The following SEC31A variants were observed in gnomAD, a reference collection of about 807,000 sequenced individuals.
SEC31A encodes the protein protein transport protein Sec31A.
SEC31A carries 70 observed loss-of-function variants against 151.0 expected under a neutral mutation model. The observed-to-expected ratio is 0.46, with a 90% CI of 0.38 to 0.57. The LOEUF is 0.57. SEC31A is among the 20% of genes least tolerant of loss of function. The pLI is 0.00. For missense variants in SEC31A, 1,330 were observed against 1,471.2 expected (o/e 0.90, Z 1.57); for synonymous variants, 475 against 505.9 (o/e 0.94, Z 0.82).
chr4:82,874,190 C>G (rs1429722991), intron 6 of SEC31A, among the ~76,000 whole-genome samples: 1 of 151,804 alleles, frequency 6.6e-6, no homozygotes, highest in Middle Eastern at 3.4e-3. Flanking sequence ...CTCAGCTACT[C>G]GGAAGGCTGG....
upstream of SEC31A, chr4:82,895,021 G>A (rs1021183975): frequency 3.3e-5 from 5 of 152,216 alleles, no homozygotes; most frequent in African/African-American, 1.2e-4. Context: ...GACAGAACTA[G>A]TATTAGATTT....
Position 82,819,021 on chromosome 4 carries a change from T to A in SEC31A, c.*53A>T. 7.4e-6 allele frequency: 11 copies of A among 1,495,226 alleles called. No homozygotes were observed. The highest frequency in any genetic ancestry group is 9.9e-6 in the Non-Finnish European group (11 of 1,110,822). 92.6% of individuals were successfully genotyped at this position (1,495,226 alleles called of 1,614,324 possible). A position where few individuals can be genotyped will look rare whatever the true frequency, so the allele number is the denominator to read the frequency against. On this transcript the variant is annotated 3_prime_UTR_variant, in exon 27 of 27. Coordinates refer to ENST00000395310, the MANE Select transcript of SEC31A (RefSeq NM_001077207.4). ...GTCCATGTCTTATAATTTTTTTTTT[T>A]AACATGTTTCTTTGGAAAAATGGCA...
chr4:82,836,204 C>T (rs1190688133), intron 22 of SEC31A, among the ~76,000 whole-genome samples: 1 of 151,854 alleles, frequency 6.6e-6, no homozygotes, highest in Non-Finnish European at 1.5e-5. Context: ...GAAACCCCAT[C>T]TCTACTAAAA....
chr4:82,887,472 T>C (rs1315902035), intron 1 of SEC31A, among the ~76,000 whole-genome samples: 1 of 152,148 alleles, frequency 6.6e-6, no homozygotes, highest in Non-Finnish European at 1.5e-5. Flanking sequence ...CAAGACAGTA[T>C]CTATAGCACG....
chr4:82,890,823 C>A (rs1295486547), intron 1 of SEC31A: 1 of 1,320,492 alleles, frequency 7.6e-7, no homozygotes, highest in African/African-American at 1.5e-5. Context: ...TACTCCCCGG[C>A]AAGACACTGT....
At chr4:82,894,182 T>C (rs1446299595), upstream of SEC31A, 1 of 152,218 alleles carries the variant, frequency 6.6e-6, no homozygotes, top group African/African-American at 2.4e-5. Context: ...ACAAGCAAAA[T>C]GCCTTGAGCA....
At chr4:82,873,821 T>G (rs1048809041) in intron 6 of SEC31A, among the ~76,000 whole-genome samples, 1 of 152,194 alleles carries the variant, frequency 6.6e-6, no homozygotes, top group Non-Finnish European at 1.5e-5. Context: ...AAAATAAAGA[T>G]ACCTAAAAGG....
chr4:82,867,000 CAA>C (rs1344468558), intron 9 of SEC31A, 40 bp from the exon 10 acceptor site: 3 of 1,587,592 alleles, frequency 1.9e-6, no homozygotes, highest in Non-Finnish European at 2.6e-6. Flanking sequence ...CGACCATACA[CAA>C]AGTTTCATTT....
At chr4:82,862,332 T>C (rs1291602137) in intron 13 of SEC31A, among the ~76,000 whole-genome samples, 1 of 152,012 alleles carries the variant, frequency 6.6e-6, no homozygotes, top group Non-Finnish European at 1.5e-5. Context: ...AATTCAAATA[T>C]GTATGTCAAG....
chr4:82,871,362 T>G, intron 7 of SEC31A: 2 of 1,522,214 alleles, frequency 1.3e-6, no homozygotes, highest in Non-Finnish European at 1.8e-6. Context: ...CAGTAAAATG[T>G]TTTACCTATG....
intron 11 of SEC31A, among the ~76,000 whole-genome samples, chr4:82,863,977 C>G (rs1236934153): frequency 6.6e-6 from 1 of 152,076 alleles, no homozygotes; most frequent in African/African-American, 2.4e-5. Flanking sequence ...TCCAACCTCT[C>G]TCCTCTATTC....
rs1431216573 is a variant in SEC31A, at chr4:82,819,009, A to G, written c.*65T>C. On this transcript the variant is annotated 3_prime_UTR_variant, in exon 27 of 27. Coordinates refer to ENST00000395310, the MANE Select transcript of SEC31A (RefSeq NM_001077207.4). ...TAATGAGGACTAGTCCATGTCTTAT[A>G]ATTTTTTTTTTTAACATGTTTCTTT... is the stretch of plus-strand genomic sequence containing the variant. The G allele has an allele frequency of 1.4e-6, 2 of 1,385,672 alleles. No homozygotes were observed. The highest frequency in any genetic ancestry group is 2.3e-5 in the East Asian group (1 of 43,220). The allele number at this position is 1,385,672 out of a possible 1,614,324, so 85.8% of individuals were successfully genotyped here.
At chr4:82,844,941 T>A (rs561177391) in intron 20 of SEC31A, among the ~76,000 whole-genome samples, 6 of 152,316 alleles carry the variant, frequency 3.9e-5, no homozygotes, top group African/African-American at 1.4e-4. Flanking sequence ...AAAATCAGAT[T>A]TAAACCATTG....
At chr4:82,872,538 T>G (rs140787075) in intron 6 of SEC31A, among the ~76,000 whole-genome samples, 2 of 152,136 alleles carry the variant, frequency 1.3e-5, no homozygotes, top group African/African-American at 2.4e-5. Flanking sequence ...ACTACTAAAT[T>G]TTATTGAACA....
chr4:82,853,622 A>G lies in SEC31A; in HGVS notation c.2102T>C (p.Leu701Ser), dbSNP rs766933528. 1.2e-6 allele frequency: 2 copies of G among 1,603,996 alleles called. No individual in the cohort carries two copies. The highest frequency in any genetic ancestry group is 1.1e-5 in the South Asian group (1 of 88,840). ...CYICAGNVEK[L>S]VACWTKAQDG... is the part of the protein sequence containing the mutation. Reference sequence around the variant, plus strand: ...TTGAGCTTTAGTCCAACATGCAACTAATTTCTCTACATTCCCTGCACAAAT... The same window carrying G: ...TTGAGCTTTAGTCCAACATGCAACTGATTTCTCTACATTCCCTGCACAAAT... Residue 701 changes from leucine (L) to serine (S), a missense_variant, in exon 18 of 27, where the codon TTA (leucine) becomes TCA (serine). Leu to Ser is a moderately radical substitution (Grantham distance 145, BLOSUM62 -2). Coordinates refer to ENST00000395310, the MANE Select transcript of SEC31A (RefSeq NM_001077207.4).
At chr4:82,870,727 A>G (rs1736467780) in intron 7 of SEC31A, among the ~76,000 whole-genome samples, 1 of 152,148 alleles carries the variant, frequency 6.6e-6, no homozygotes, top group Admixed American at 6.5e-5. Context: ...AAGAAAAACA[A>G]AAAAAGAAAT....
upstream of SEC31A, among the ~76,000 whole-genome samples, chr4:82,891,557 CA>C (rs1262476055): frequency 6.6e-6 from 1 of 152,248 alleles, no homozygotes; most frequent in East Asian, 1.9e-4. Context: ...CTGCCCGCGC[CA>C]AACCAGGTGG....
At chr4:82,845,524 C>T (rs1388772344) in intron 20 of SEC31A, among the ~76,000 whole-genome samples, 1 of 151,734 alleles carries the variant, frequency 6.6e-6, no homozygotes, top group Non-Finnish European at 1.5e-5. Flanking sequence ...GAGAGGAAGG[C>T]AGGAGAAAAA....
chr4:82,863,914 A>G (rs1156386371), intron 11 of SEC31A, among the ~76,000 whole-genome samples: 1 of 152,184 alleles, frequency 6.6e-6, no homozygotes, highest in Non-Finnish European at 1.5e-5. Context: ...CCAACCAGGA[A>G]ATTCTATTTG....
Sources: allele counts gnomAD v4.1 joint callset (sites outside exome capture counted in the v4.1 genomes callset), GRCh38; gene constraint gnomAD v4.1.1; transcripts MANE v1.5; gene names NCBI Gene and HGNC (gene_info 2026-07-23, HGNC 2026-07-21).